Variants in CTNNA3 observed in about 807,000 individuals in gnomAD.
CTNNA3 encodes catenin alpha 3, also known as catenin alpha-3.
Under a neutral mutation model 95.7 loss-of-function variants are expected in CTNNA3, and 76 were observed. The observed-to-expected ratio is 0.79, with a 90% CI of 0.66 to 0.96. The LOEUF is 0.96. CTNNA3 is among the 40% of genes least tolerant of loss of function. The pLI is 0.00. For missense variants in CTNNA3, 1,191 were observed against 1,089.8 expected (o/e 1.09, Z -1.31); for synonymous variants, 431 against 374.4 (o/e 1.15, Z -1.74).
At chr10:67,301,986 A>AGAAAGAAAGAAAGAACGAAAGAAC (rs1840311170) in intron 5 of CTNNA3, among the ~76,000 whole-genome samples, 1 of 86,934 alleles carries the variant, frequency 1.2e-5, no homozygotes, top group Non-Finnish European at 2.0e-5. Context: ...AAAGAAAGAA[A>AGAAAGAAAGAAAGAACGAAAGAAC]GAAAGAACGA....
intron 5 of CTNNA3, among the ~76,000 whole-genome samples, chr10:67,380,847 C>T (rs931378548): frequency 1.3e-5 from 2 of 152,190 alleles, no homozygotes. Context: ...TAAGAAGTTA[C>T]TTTAGTCTTC....
chr10:67,347,054 T>G (rs905307005), intron 5 of CTNNA3, among the ~76,000 whole-genome samples: 1 of 149,166 alleles, frequency 6.7e-6, no homozygotes, highest in African/African-American at 2.6e-5. Context: ...TTATAATAAG[T>G]AATCCTAGAA....
intron 7 of CTNNA3, among the ~76,000 whole-genome samples, chr10:66,800,051 T>C (rs1190632388): frequency 6.6e-6 from 1 of 151,332 alleles, no homozygotes; most frequent in African/African-American, 2.4e-5. Context: ...TCACACATTA[T>C]AGAAAATACT....
chr10:67,725,698 T>C lies in CTNNA3; in HGVS notation c.-2+37736A>G, dbSNP rs999761514. Among the ~76,000 whole-genome samples, 4 of 151,710 alleles carry C rather than the reference T, an allele frequency of 2.6e-5. No homozygotes were observed. The Admixed American group carries it at 2.6e-4, about 10-fold the overall frequency. On this transcript the variant is annotated intron_variant, in intron 1 of 17. Coordinates refer to the CTNNA3 transcript ENST00000684154. ...GAAAAAGAGATGAGAGTCAGGGGGA[T>C]GGTCTAAGGAGAAGAGCTTATGCCA...
At chr10:65,979,744 C>T (rs2078281427) in intron 16 of CTNNA3, among the ~76,000 whole-genome samples, 1 of 151,970 alleles carries the variant, frequency 6.6e-6, no homozygotes, top group South Asian at 2.1e-4. Context: ...GAAAAAATGT[C>T]AGACATTACA....
At chr10:67,461,656 T>C (rs534563968) in intron 5 of CTNNA3, among the ~76,000 whole-genome samples, 1 of 152,192 alleles carries the variant, frequency 6.6e-6, no homozygotes, top group African/African-American at 2.4e-5. Flanking sequence ...AAAGAAATCA[T>C]AAGACATGAA....
chr10:67,042,333 T>C (rs1261593754), intron 7 of CTNNA3, among the ~76,000 whole-genome samples: 1 of 152,112 alleles, frequency 6.6e-6, no homozygotes, highest in Non-Finnish European at 1.5e-5. Flanking sequence ...ATCAGTTGGA[T>C]GTGAGACATG....
intron 1 of CTNNA3, among the ~76,000 whole-genome samples, chr10:67,727,867 T>C (rs1366799489): frequency 7.6e-6 from 1 of 131,596 alleles, no homozygotes; most frequent in African/African-American, 2.9e-5. Flanking sequence ...ATATTATGTA[T>C]AATATAGTAT....
At chr10:66,361,131 A>ATT (rs140136112) in intron 12 of CTNNA3, among the ~76,000 whole-genome samples, 263 of 146,020 alleles carry the variant, frequency 1.8e-3, no homozygotes, top group Middle Eastern at 0.014. Flanking sequence ...TAAATTTTGA[A>ATT]TTTTTTGTTT....
chr10:67,069,477 G>T (rs1009070636), intron 7 of CTNNA3, among the ~76,000 whole-genome samples: 5 of 151,898 alleles, frequency 3.3e-5, no homozygotes, highest in African/African-American at 9.7e-5. Context: ...TATCATGATG[G>T]TGAATATTCA....
At chr10:66,186,310 TAGAG>T (rs372778611) in intron 13 of CTNNA3, among the ~76,000 whole-genome samples, 128 of 140,818 alleles carry the variant, frequency 9.1e-4, no homozygotes, top group African/African-American at 3.0e-3. Flanking sequence ...GTGTGAGAGA[TAGAG>T]AGAGAGAGAT....
chr10:66,653,198 A>G (rs760238108), intron 9 of CTNNA3, among the ~76,000 whole-genome samples: 4 of 152,110 alleles, frequency 2.6e-5, no homozygotes, highest in African/African-American at 9.7e-5. Context: ...AGATCACATG[A>G]TCTTATAAAT....
At chr10:67,692,831 T>A (rs990384823) in intron 1 of CTNNA3, among the ~76,000 whole-genome samples, 2 of 152,066 alleles carry the variant, frequency 1.3e-5, no homozygotes, top group Admixed American at 6.5e-5. Flanking sequence ...TTTCATAGAT[T>A]AGTTAAAAAT....
At chr10:67,441,514 A>C (rs917730056) in intron 5 of CTNNA3, among the ~76,000 whole-genome samples, 2 of 152,128 alleles carry the variant, frequency 1.3e-5, no homozygotes, top group African/African-American at 4.8e-5. Context: ...GCATTTAATA[A>C]CAAAACTCCC....
intron 4 of CTNNA3, among the ~76,000 whole-genome samples, chr10:67,527,460 A>C (rs1840182051): frequency 6.6e-6 from 1 of 152,168 alleles, no homozygotes; most frequent in South Asian, 2.1e-4. Flanking sequence ...AACAATTAAC[A>C]CCAGAAGCAA....
chr10:66,984,357 G>A (rs1420457863), intron 7 of CTNNA3, among the ~76,000 whole-genome samples: 2 of 152,174 alleles, frequency 1.3e-5, no homozygotes, highest in Non-Finnish European at 2.9e-5. Context: ...AAATTAGAGT[G>A]ATGGGGGAAC....
At chr10:67,564,002 G>A (rs1322428089) in intron 3 of CTNNA3, among the ~76,000 whole-genome samples, 1 of 148,994 alleles carries the variant, frequency 6.7e-6, no homozygotes, top group Non-Finnish European at 1.5e-5. Flanking sequence ...AACAGGTGCT[G>A]GAGAGGATGT....
chr10:66,858,811 T>C (rs1843787442), intron 7 of CTNNA3, among the ~76,000 whole-genome samples: 1 of 151,924 alleles, frequency 6.6e-6, no homozygotes. Flanking sequence ...TGGCCTATGT[T>C]ATCTATTCTT....
At chr10:66,851,633 T>TATACAC in intron 7 of CTNNA3, among the ~76,000 whole-genome samples, 1 of 144,486 alleles carries the variant, frequency 6.9e-6, no homozygotes, top group East Asian at 2.3e-4. Context: ...TTCTCTCACA[T>TATACAC]ACACACACAC....
Sources: gnomAD v4.1 joint callset for allele counts (sites outside exome capture counted in the v4.1 genomes callset) on GRCh38, gnomAD v4.1.1 for gene constraint, MANE v1.5 for transcripts, NCBI Gene and HGNC (gene_info 2026-07-23, HGNC 2026-07-21) for gene names.